The following PUS10 variants were observed in gnomAD, a reference collection of about 807,000 sequenced individuals.
The protein encoded by PUS10 is tRNA pseudouridine synthase Pus10.
Under a neutral mutation model 75.0 loss-of-function variants are expected in PUS10, and 59 were observed. The ratio of observed to expected loss-of-function variants is 0.79; its 90% CI spans 0.64 to 0.98. The LOEUF is 0.98. PUS10 is among the 50% of genes least tolerant of loss of function. The probability of loss-of-function intolerance (pLI) is 0.00; values close to 1 mark genes in which losing one functional copy is unlikely to be tolerated. For synonymous variants in PUS10, 219 were observed against 211.6 expected (o/e 1.03, Z -0.30); for missense variants, 650 against 614.4 (o/e 1.06, Z -0.61).
intron 4 of PUS10, among the ~76,000 whole-genome samples, chr2:60,995,442 A>G (rs1042171201): frequency 2.0e-5 from 3 of 152,240 alleles, no homozygotes; most frequent in Non-Finnish European, 4.4e-5. Flanking sequence ...TAATTTTTCA[A>G]AAACAATCAT....
At chr2:60,958,652 G>T (rs908128445) in intron 11 of PUS10, among the ~76,000 whole-genome samples, 2 of 152,186 alleles carry the variant, frequency 1.3e-5, no homozygotes, top group Non-Finnish European at 1.5e-5. Flanking sequence ...GAGAGGCCAA[G>T]GCAGATGGAT....
In PUS10 at chr2:60,951,782, T is replaced by C. The variant is rs941094945; in HGVS notation, c.1308+1215A>G. Among the ~76,000 whole-genome samples, 5 of 152,340 alleles carry C rather than the reference T, an allele frequency of 3.3e-5. No individual in the cohort carries two copies. In the South Asian group the frequency reaches 1.0e-3, roughly 32 times the overall value. ...GGAACCACTGGCTTAAATTAAAACA[T>C]ATCATCCTCTATAGAGTCTATACTT... On this transcript the variant is annotated intron_variant, in intron 15 of 17. Transcript: ENST00000316752.
In PUS10 at chr2:60,941,838, A is replaced by G. The variant is rs911632341; in HGVS notation, c.*557T>C. ...TTATTTCATTATTCATAGTTTGGTT[A>G]AGATTTATGACAAATCACAGCCAAA... On this transcript the variant is annotated 3_prime_UTR_variant, in exon 18 of 18. Transcript: ENST00000316752. The G allele has an allele frequency of 6.6e-6, 1 of 152,372 alleles. No individual in the cohort carries two copies. Among genetic ancestry groups the G allele is most frequent in the Non-Finnish European group, 1.5e-5 (1 of 68,040 alleles). 9.4% of individuals were successfully genotyped at this position (152,372 alleles called of 1,614,324 possible). A position where few individuals can be genotyped will look rare whatever the true frequency, so the allele number is the denominator to read the frequency against.
intron 6 of PUS10, chr2:60,965,698 G>C (rs1187903654): frequency 2.6e-6 from 1 of 377,566 alleles, no homozygotes; most frequent in Non-Finnish European, 4.7e-6. Flanking sequence ...TCAGTCATTA[G>C]TGATCCTACC....
chr2:61,015,949 G>C (rs1679949555), intron 1 of PUS10, among the ~76,000 whole-genome samples: 1 of 152,082 alleles, frequency 6.6e-6, no homozygotes. Context: ...TAATTCAGAA[G>C]TAACATTTAA....
intron 1 of PUS10, chr2:61,017,136 AC>A (rs1680046723): frequency 1.3e-5 from 2 of 151,674 alleles, no homozygotes; most frequent in African/African-American, 2.4e-5. Context: ...GCACTCCTTC[AC>A]CTCTTACCTA....
At chr2:60,943,136 T>C (rs1430967129) in intron 17 of PUS10, among the ~76,000 whole-genome samples, 3 of 152,154 alleles carry the variant, frequency 2.0e-5, no homozygotes, top group Non-Finnish European at 4.4e-5. Flanking sequence ...TTTATTCTTC[T>C]GATCATTTTT....
intron 11 of PUS10, among the ~76,000 whole-genome samples, chr2:60,959,579 G>A (rs1675890150): frequency 6.6e-6 from 1 of 152,096 alleles, no homozygotes; most frequent in Non-Finnish European, 1.5e-5. Flanking sequence ...AGTAGACACA[G>A]GGTCTCACCA....
At chr2:60,988,897 T>G (rs903367113) in intron 4 of PUS10, among the ~76,000 whole-genome samples, 1 of 151,672 alleles carries the variant, frequency 6.6e-6, no homozygotes, top group Non-Finnish European at 1.5e-5. Context: ...CTGCCTTGGC[T>G]TCTCAAAGTG....
intron 1 of PUS10, among the ~76,000 whole-genome samples, chr2:61,015,714 A>G (rs1679928584): frequency 6.6e-6 from 1 of 152,080 alleles, no homozygotes; most frequent in Admixed American, 6.6e-5. Flanking sequence ...ATAAATAAAT[A>G]AGATCTGTGT....
intron 4 of PUS10, chr2:60,998,784 T>C (rs550156179): frequency 6.6e-6 from 1 of 152,242 alleles, no homozygotes; most frequent in Admixed American, 6.5e-5. Context: ...ATGTGCCTGA[T>C]CTCACATGAT....
chr2:60,951,475 T>G lies in PUS10; in HGVS notation c.1308+1522A>C, dbSNP rs551234857. 3.2e-4 allele frequency among the ~76,000 whole-genome samples: 48 copies of G among 152,324 alleles called. No individual in the cohort carries two copies. In the South Asian group the frequency reaches 9.5e-3, roughly 30 times the overall value. Reference sequence around the variant, plus strand: ...GTTTTCCTGCAACTAGAGGGTCCAATCTGGGGATGATGAGGGACCCAGTGA... The same window carrying G: ...GTTTTCCTGCAACTAGAGGGTCCAAGCTGGGGATGATGAGGGACCCAGTGA... On this transcript the variant is annotated intron_variant, in intron 15 of 17. Transcript: ENST00000316752.
At chr2:60,947,848 A>AAT (rs1553401304) in intron 16 of PUS10, among the ~76,000 whole-genome samples, 195 bp downstream of exon 16, 2 of 150,848 alleles carry the variant, frequency 1.3e-5, no homozygotes, top group African/African-American at 4.9e-5. Context: ...AAAAAAAAAA[A>AAT]AAGAAAAGAA....
Position 60,955,075 on chromosome 2 carries a change from C to G in PUS10, c.1001-1G>C, listed in dbSNP as rs747440549. The stretch of plus-strand genomic sequence containing the variant: ...CTTCCAGAGGATGAAAAATTAAAAC[C>G]TTTGAAAAGCAGATAAAGAAAAAAA... On this transcript the variant is annotated splice_acceptor_variant, in intron 11 of 17. Coordinates refer to ENST00000316752, the MANE Select transcript of PUS10 (RefSeq NM_144709.4). LOFTEE classifies it high-confidence loss of function. The G allele has an allele frequency of 6.3e-7, 1 of 1,587,028 alleles. No homozygotes were observed. The highest frequency in any genetic ancestry group is 1.1e-5 in the South Asian group (1 of 87,508).
chr2:60,961,412 GA>G, intron 10 of PUS10, 50 bp downstream of exon 10: 1 of 1,360,256 alleles, frequency 7.4e-7, no homozygotes, highest in Middle Eastern at 1.8e-4. Context: ...TGAGTTTTTA[GA>G]AAGGAGAGTA....
chr2:60,988,802 AT>A (rs574393734), intron 4 of PUS10, among the ~76,000 whole-genome samples: 1,047 of 134,940 alleles, frequency 7.8e-3, no homozygotes, highest in East Asian at 7.7e-3. Context: ...TACCGGGTTA[AT>A]TTTTTTTTTT....
intron 5 of PUS10, 144 bp downstream of exon 5, chr2:60,971,379 G>C (rs1024405511): frequency 2.8e-6 from 2 of 723,260 alleles, no homozygotes; most frequent in Non-Finnish European, 5.0e-6. Context: ...TAAATGTATA[G>C]AATAAAAATT....
chr2:60,971,597 GA>G (rs1397836616), intron 4 of PUS10, 40 bp from the exon 5 acceptor site: 8 of 1,591,126 alleles, frequency 5.0e-6, no homozygotes, highest in Non-Finnish European at 6.9e-6. Context: ...AGAAAAGGGG[GA>G]AACATGTTCA....
At chr2:60,975,216 G>A (rs568440417) in intron 4 of PUS10, among the ~76,000 whole-genome samples, 7 of 152,036 alleles carry the variant, frequency 4.6e-5, no homozygotes, top group Admixed American at 1.3e-4. Flanking sequence ...GCGTGATCTC[G>A]GGTCACTGCA....
Sources: allele counts gnomAD v4.1 joint callset (sites outside exome capture counted in the v4.1 genomes callset), GRCh38; gene constraint gnomAD v4.1.1; transcripts MANE v1.5; gene names NCBI Gene and HGNC (gene_info 2026-07-23, HGNC 2026-07-21).